The following IGSF21 variants were observed in gnomAD, a reference collection of about 807,000 sequenced individuals.
IGSF21 encodes immunoglobin superfamily member 21, also known as immunoglobulin superfamily member 21.
A neutral mutation model predicts 46.8 loss-of-function variants in IGSF21; 28 were observed. The ratio of observed to expected loss-of-function variants is 0.60; its 90% CI spans 0.44 to 0.82. The LOEUF is 0.82. Ranked by LOEUF, IGSF21 falls within the 40% of genes least tolerant of loss-of-function variation. IGSF21 has a pLI of 0.00. For missense variants in IGSF21, 624 were observed against 665.5 expected (o/e 0.94, Z 0.69); for synonymous variants, 284 against 273.6 (o/e 1.04, Z -0.38).
chr1:18,213,662 G>A (rs369363098), intron 1 of IGSF21, among the ~76,000 whole-genome samples: 167 of 152,182 alleles, frequency 1.1e-3, no homozygotes, highest in African/African-American at 3.8e-3. Context: ...CATCTTCCTG[G>A]GTCTGGGCAA....
At chr1:18,274,610 A>T (rs74999314) in intron 2 of IGSF21, among the ~76,000 whole-genome samples, 4,699 of 152,332 alleles carry the variant, frequency 0.031, 234 homozygotes, top group African/African-American at 0.1. Flanking sequence ...ATTGTGACAG[A>T]CGCTGTGTAG....
intron 4 of IGSF21, among the ~76,000 whole-genome samples, chr1:18,336,793 A>G (rs1280096515): frequency 6.6e-6 from 1 of 152,150 alleles, no homozygotes; most frequent in Non-Finnish European, 1.5e-5. Context: ...AGACTGGGCA[A>G]TTTGCAAAAG....
chr1:18,342,051 CTTGT>C (rs1424972166), intron 4 of IGSF21, among the ~76,000 whole-genome samples: 467 of 57,070 alleles, frequency 8.2e-3, no homozygotes, highest in African/African-American at 0.024. Context: ...GTGCATTTTC[CTTGT>C]TTTTTTTTTT....
At chr1:18,309,166 C>T (rs971943955) in intron 3 of IGSF21, among the ~76,000 whole-genome samples, 3 of 152,054 alleles carry the variant, frequency 2.0e-5, no homozygotes, top group Non-Finnish European at 2.9e-5. Flanking sequence ...GCCTGATGCC[C>T]TCAAAGGGCT....
intron 1 of IGSF21, among the ~76,000 whole-genome samples, chr1:18,198,287 T>A (rs1407912604): frequency 6.6e-6 from 1 of 151,774 alleles, no homozygotes; most frequent in Non-Finnish European, 1.5e-5. Flanking sequence ...CTCCAGGGAG[T>A]AGGACCTGCC....
At chr1:18,222,909 G>A (rs1250828316) in intron 1 of IGSF21, among the ~76,000 whole-genome samples, 1 of 152,174 alleles carries the variant, frequency 6.6e-6, no homozygotes, top group Admixed American at 6.5e-5. Flanking sequence ...CTGTGTCTCA[G>A]AGGTGTTTTC....
chr1:18,241,989 G>A (rs891510862), intron 2 of IGSF21, among the ~76,000 whole-genome samples: 9 of 152,180 alleles, frequency 5.9e-5, no homozygotes, highest in African/African-American at 1.4e-4. Flanking sequence ...CCTCCTCCGT[G>A]GGGGAGAGAT....
chr1:18,254,213 G>A (rs557184847), intron 2 of IGSF21, among the ~76,000 whole-genome samples: 4 of 150,740 alleles, frequency 2.7e-5, no homozygotes, highest in African/African-American at 9.9e-5. Flanking sequence ...CCCAGGCTGA[G>A]AAGTGAGAGA....
At chr1:18,239,195 T>G (rs769891243) in intron 2 of IGSF21, among the ~76,000 whole-genome samples, 3 of 152,170 alleles carry the variant, frequency 2.0e-5, no homozygotes, top group Non-Finnish European at 4.4e-5. Flanking sequence ...ACAAAGGGGC[T>G]GACTTAACTT....
chr1:18,205,593 C>A (rs989673552), intron 1 of IGSF21, among the ~76,000 whole-genome samples: 3 of 152,130 alleles, frequency 2.0e-5, no homozygotes, highest in Non-Finnish European at 2.9e-5. Context: ...CTTTGGAAAT[C>A]AAATAAAATG....
At chr1:18,370,527 T>C (rs2124636629) in intron 6 of IGSF21, among the ~76,000 whole-genome samples, 2 of 152,330 alleles carry the variant, frequency 1.3e-5, no homozygotes, top group African/African-American at 4.8e-5. Flanking sequence ...CTTTGTGATA[T>C]TTGTGTAACA....
At chr1:18,321,335 C>T (rs2085598944) in intron 3 of IGSF21, among the ~76,000 whole-genome samples, 1 of 152,188 alleles carries the variant, frequency 6.6e-6, no homozygotes, top group Non-Finnish European at 1.5e-5. Flanking sequence ...CTCTCTCCAG[C>T]CTGAAAGAGT....
intron 1 of IGSF21, among the ~76,000 whole-genome samples, chr1:18,171,564 T>C (rs909168566): frequency 6.6e-6 from 1 of 152,180 alleles, no homozygotes; most frequent in Non-Finnish European, 1.5e-5. Context: ...ACGAGTGACT[T>C]TTCCTCTCCA....
chr1:18,341,998 T>C (rs2085846244), intron 4 of IGSF21, among the ~76,000 whole-genome samples: 1 of 151,966 alleles, frequency 6.6e-6, no homozygotes, highest in Non-Finnish European at 1.5e-5. Context: ...GGTTGGTTTG[T>C]CTTTTTTCAG....
chr1:18,324,829 A>G (rs925149819), intron 3 of IGSF21, among the ~76,000 whole-genome samples: 11 of 152,188 alleles, frequency 7.2e-5, no homozygotes, highest in African/African-American at 2.7e-4. Flanking sequence ...GAGAAAACCC[A>G]GGGCTTGGCC....
chr1:18,236,914 C>G (rs766498544), intron 2 of IGSF21, among the ~76,000 whole-genome samples: 1 of 152,128 alleles, frequency 6.6e-6, no homozygotes, highest in Non-Finnish European at 1.5e-5. Context: ...GTCGTGGGGG[C>G]TAATGCCTAG....
intron 2 of IGSF21, among the ~76,000 whole-genome samples, chr1:18,244,191 T>G (rs895459606): frequency 6.6e-5 from 10 of 152,142 alleles, no homozygotes; most frequent in African/African-American, 2.4e-4. Flanking sequence ...TCTGTGCACA[T>G]AGACCATGGG....
chr1:18,243,406 T>C (rs915798539), intron 2 of IGSF21, among the ~76,000 whole-genome samples: 5 of 152,058 alleles, frequency 3.3e-5, no homozygotes, highest in African/African-American at 1.2e-4. Context: ...ATCGAATCCG[T>C]TCTAAAAGAC....
intron 7 of IGSF21, 67 bp from the exon 8 acceptor site, chr1:18,376,732 CT>C (rs2124641222): frequency 6.8e-7 from 1 of 1,479,506 alleles, no homozygotes; most frequent in East Asian, 2.3e-5. Context: ...CAGGCAGCCC[CT>C]GACCCCTTGC....
Sources: allele counts gnomAD v4.1 joint callset (sites outside exome capture counted in the v4.1 genomes callset), GRCh38; gene constraint gnomAD v4.1.1; transcripts MANE v1.5; gene names NCBI Gene and HGNC (gene_info 2026-07-23, HGNC 2026-07-21).